Variants in AXL observed in about 807,000 individuals in gnomAD.
AXL encodes tyrosine-protein kinase receptor UFO.
Under a neutral mutation model 104.5 loss-of-function variants are expected in AXL, and 52 were observed. The ratio of observed to expected loss-of-function variants is 0.50; its 90% CI spans 0.40 to 0.63. The LOEUF (loss-of-function observed/expected upper bound fraction) is 0.63. Among genes scored for constraint, AXL ranks in the 20% least tolerant of loss-of-function variants. AXL has a pLI of 0.00. For synonymous variants in AXL, 455 were observed against 473.7 expected, an observed-to-expected ratio of 0.96 and a Z score of 0.51; for missense variants, 1,024 against 1,188.5, an observed-to-expected ratio of 0.86 and a Z score of 2.04.
intron 6 of AXL, among the ~76,000 whole-genome samples, chr19:41,235,430 C>T (rs2034063813): frequency 6.6e-6 from 1 of 151,980 alleles, no homozygotes; most frequent in South Asian, 2.1e-4. Flanking sequence ...ACAGTATGCA[C>T]AAGCAGTCTT....
chr19:41,227,649 C>T (rs2033907212), intron 4 of AXL, among the ~76,000 whole-genome samples: 1 of 151,998 alleles, frequency 6.6e-6, no homozygotes, highest in East Asian at 1.9e-4. Flanking sequence ...CCATGCCCGG[C>T]TGATTTTTTT....
chr19:41,229,965 CCTT>C (rs1025823413), intron 4 of AXL, among the ~76,000 whole-genome samples: 4 of 151,626 alleles, frequency 2.6e-5, no homozygotes, highest in African/African-American at 9.7e-5. Context: ...TTGTGTGTCT[CCTT>C]GTGTGTGTGT....
intron 17 of AXL, 58 bp downstream of exon 17, chr19:41,253,766 T>G: frequency 7.6e-7 from 1 of 1,308,092 alleles, no homozygotes; most frequent in Non-Finnish European, 1.1e-6. Context: ...CTGAGGGAGT[T>G]CCCTCCCTCC....
chr19:41,251,541 GA>G (rs1225928222), intron 14 of AXL, among the ~76,000 whole-genome samples: 1 of 149,126 alleles, frequency 6.7e-6, no homozygotes, highest in Admixed American at 6.7e-5. Flanking sequence ...AAGCCTGGGG[GA>G]CAAGGGCGAA....
chr19:41,239,337 C>T, intron 9 of AXL, 23 bp downstream of exon 9: 1 of 1,546,080 alleles, frequency 6.5e-7, no homozygotes, highest in Non-Finnish European at 8.7e-7. Context: ...CCATGCCCAA[C>T]CTGCTTCAAC....
intron 3 of AXL, chr19:41,221,679 G>A (rs1378659755): frequency 1.7e-6 from 1 of 579,536 alleles, no homozygotes; most frequent in Non-Finnish European, 3.0e-6. Flanking sequence ...AGCTATCGTG[G>A]GGGGTCTGAC....
intron 17 of AXL, 68 bp downstream of exon 17, chr19:41,253,776 CTTCT>C: frequency 3.1e-6 from 4 of 1,274,498 alleles, no homozygotes; most frequent in East Asian, 2.4e-5. Context: ...TCCCTCCCTC[CTTCT>C]TAGGATGGAA....
rs757401183 is a variant in AXL, at chr19:41,238,189, C to A, written c.994+35C>A. ...GTTGGGGAGGGACACGTCACCACTG[C>A]CCCACCGGACCTTGCTTATATCAGT... On this transcript the variant is annotated intron_variant, in intron 7 of 19. Coordinates refer to ENST00000301178, the MANE Select transcript of AXL (RefSeq NM_021913.5). 3 of 1,603,624 alleles carry A rather than the reference C, an allele frequency of 1.9e-6. No homozygotes were observed. The East Asian group carries it at 6.7e-5, about 36-fold the overall frequency.
intron 4 of AXL, chr19:41,226,896 G>A: frequency 1.4e-6 from 1 of 697,642 alleles, no homozygotes; most frequent in Non-Finnish European, 1.8e-6. Context: ...AAGTTTGAGA[G>A]CAGCCTGGGC....
chr19:41,239,383 T>C (rs1471742486), intron 9 of AXL, 69 bp downstream of exon 9: 6 of 1,522,684 alleles, frequency 3.9e-6, no homozygotes, highest in Non-Finnish European at 5.3e-6. Flanking sequence ...TTACTCCTTG[T>C]ACCTTTCAGT....
intron 14 of AXL, among the ~76,000 whole-genome samples, chr19:41,250,295 A>G (rs1255543144): frequency 2.6e-5 from 4 of 152,238 alleles, no homozygotes; most frequent in African/African-American, 9.6e-5. Flanking sequence ...AAGGAGAAGC[A>G]TAGGGCATTC....
At chr19:41,241,382 A>G in intron 10 of AXL, among the ~76,000 whole-genome samples, 1 of 151,914 alleles carries the variant, frequency 6.6e-6, no homozygotes, top group South Asian at 2.1e-4. Flanking sequence ...CATCTCTACT[A>G]AAAATACAAA....
chr19:41,253,775 CCTTCTT>C, intron 17 of AXL, 67 bp downstream of exon 17: 3 of 1,293,830 alleles, frequency 2.3e-6, no homozygotes, highest in Non-Finnish European at 3.3e-6. Context: ...TTCCCTCCCT[CCTTCTT>C]AGGATGGAAG....
chr19:41,256,952 A>G (rs1292357473), intron 18 of AXL, among the ~76,000 whole-genome samples: 2 of 152,190 alleles, frequency 1.3e-5, no homozygotes, highest in African/African-American at 4.8e-5. Flanking sequence ...GTGTCCATGA[A>G]GTGTGTATAT....
Position 41,260,172 on chromosome 19 carries a change from A to G in AXL, c.*268A>G. On this transcript the variant is annotated 3_prime_UTR_variant, in exon 20 of 20. Coordinates refer to ENST00000301178, the MANE Select transcript of AXL (RefSeq NM_021913.5). ...AGGTGTTAACATTCCAAGACTCTAG[A>G]GTCCAAGGTTTAAAGAGTCTAGATT... 2.3e-6 allele frequency: 1 copy of G among 427,540 alleles called. No individual in the cohort carries two copies. The highest frequency in any genetic ancestry group is 4.1e-6 in the Non-Finnish European group (1 of 241,540). 26.5% of individuals were successfully genotyped at this position (427,540 alleles called of 1,614,324 possible).
chr19:41,242,990 C>G lies in AXL; in HGVS notation c.1420C>G (p.Arg474Gly), dbSNP rs138883984. The G allele has an allele frequency of 3.7e-6, 6 of 1,614,038 alleles. No individual in the cohort carries two copies. Among genetic ancestry groups the G allele is most frequent in the Non-Finnish European group, 5.1e-6 (6 of 1,180,036 alleles). Residue 474 changes from arginine to glycine, a missense_variant, in exon 11 of 20, where the codon CGG (arginine) becomes GGG (glycine). Arg to Gly is a moderately radical substitution (Grantham distance 125, BLOSUM62 -2). This residue lies in a region of AXL where 523 missense variants were observed against 636.0 expected (regional missense o/e 0.82). Transcript: ENST00000301178. ...VLILALFLVH[R>G]RKKETRYGEV... ...CATCTTGGCTCTCTTCCTTGTCCAC[C>G]GGCGAAAGAAGGAGACCCGTTATGG...
chr19:41,238,007 C>A lies in AXL; in HGVS notation c.847C>A (p.Leu283Ile). ...AGEPDPPEEP[L>I]TSQASVPPHQ... ...AGAACCAGACCCCCCAGAGGAGCCCCTCACCTCGCAAGCATCCGTGCCCCC... is the reference window on the plus strand; with the variant it reads ...AGAACCAGACCCCCCAGAGGAGCCCATCACCTCGCAAGCATCCGTGCCCCC... Residue 283 changes from leucine to isoleucine, a missense_variant, in exon 7 of 20, where the codon CTC (leucine) becomes ATC (isoleucine). Leu to Ile is a conservative substitution (Grantham distance 5). Coordinates refer to ENST00000301178, the MANE Select transcript of AXL (RefSeq NM_021913.5). 1 of 1,613,972 alleles carries A rather than the reference C, an allele frequency of 6.2e-7. No homozygotes were observed. The highest frequency in any genetic ancestry group is 8.5e-7 in the Non-Finnish European group (1 of 1,179,978).
At chr19:41,255,565 A>C (rs1377879164) in intron 17 of AXL, among the ~76,000 whole-genome samples, 1 of 151,698 alleles carries the variant, frequency 6.6e-6, no homozygotes, top group East Asian at 1.9e-4. Context: ...TCAGCCTCCT[A>C]AGTAGCTGGA....
At chr19:41,256,932 A>G (rs1247905943) in intron 18 of AXL, among the ~76,000 whole-genome samples, 1 of 152,236 alleles carries the variant, frequency 6.6e-6, no homozygotes, top group African/African-American at 2.4e-5. Context: ...AGAGTGGCAC[A>G]TGAGCTCATG....
Sources: gnomAD v4.1 joint callset for allele counts (sites outside exome capture counted in the v4.1 genomes callset) on GRCh38, gnomAD v4.1.1 for gene constraint, gnomAD v4.1.1 regional missense constraint, MANE v1.5 for transcripts, NCBI Gene and HGNC (gene_info 2026-07-23, HGNC 2026-07-21) for gene names.